ARL15: variants seen among roughly 807,000 people sequenced by gnomAD.
ARL15 encodes ARF like GTPase 15, also known as ADP-ribosylation factor-like protein 15.
A neutral mutation model predicts 25.2 loss-of-function variants in ARL15; 19 were observed. The ratio of observed to expected loss-of-function variants is 0.75; its 90% confidence interval spans 0.53 to 1.10. ARL15 has a LOEUF of 1.10. ARL15 is among the 50% of genes least tolerant of loss of function. The pLI, the probability that ARL15 is intolerant of heterozygous loss-of-function variation, is 0.00. For missense variants in ARL15, 220 were observed against 246.0 expected (o/e 0.89, Z 0.71); for synonymous variants, 94 against 86.8 (o/e 1.08, Z -0.46).
At chr5:54,092,985 T>TAA (rs1304469147) in intron 4 of ARL15, among the ~76,000 whole-genome samples, 1 of 152,220 alleles carries the variant, frequency 6.6e-6, no homozygotes, top group Non-Finnish European at 1.5e-5. Context: ...GGGTGTCTTT[T>TAA]AAAGAGCCTT....
At chr5:54,169,361 T>C (rs1052392731) in intron 2 of ARL15, among the ~76,000 whole-genome samples, 1 of 152,150 alleles carries the variant, frequency 6.6e-6, no homozygotes, top group African/African-American at 2.4e-5. Flanking sequence ...ATATTCACAG[T>C]TTTATAAACA....
chr5:54,149,153 C>G (rs1753994579), intron 3 of ARL15, among the ~76,000 whole-genome samples: 1 of 152,060 alleles, frequency 6.6e-6, no homozygotes, highest in Admixed American at 6.5e-5. Context: ...GTACATAAGG[C>G]AAATGCAAAA....
rs551312110 is a variant in ARL15, at chr5:53,899,936, C to T, written c.463-13223G>A. Among the ~76,000 whole-genome samples, 8 of 152,246 alleles carry T rather than the reference C, an allele frequency of 5.3e-5. No individual in the cohort carries two copies. In the South Asian group the frequency reaches 8.3e-4, roughly 16 times the overall value. On this transcript the variant is annotated intron_variant, in intron 4 of 4. Transcript: ENST00000504924. The stretch of plus-strand genomic sequence containing the variant: ...CATCTATTTATCCAATTCTACATTG[C>T]GGAGTTCACTTGTAGCAACCACTTC...
intron 4 of ARL15, among the ~76,000 whole-genome samples, chr5:54,057,358 C>T (rs1750911015): frequency 6.6e-6 from 1 of 152,112 alleles, no homozygotes; most frequent in Non-Finnish European, 1.5e-5. Flanking sequence ...TGATTTTCCT[C>T]CAAAAATGAA....
intron 4 of ARL15, among the ~76,000 whole-genome samples, chr5:53,948,187 T>C (rs902563783): frequency 2.6e-5 from 4 of 152,172 alleles, no homozygotes; most frequent in African/African-American, 9.7e-5. Context: ...ATATACAAAT[T>C]AAGGCAATTT....
chr5:53,954,937 A>G (rs976676956), intron 4 of ARL15, among the ~76,000 whole-genome samples: 6 of 151,846 alleles, frequency 4.0e-5, no homozygotes, highest in African/African-American at 1.5e-4. Context: ...CTCCAACATC[A>G]CTTTCTGGAA....
intron 4 of ARL15, among the ~76,000 whole-genome samples, chr5:54,088,592 A>G (rs1369863604): frequency 1.3e-5 from 2 of 152,188 alleles, no homozygotes; most frequent in Non-Finnish European, 2.9e-5. Flanking sequence ...GTGAAAAGTA[A>G]TGAGGATTTT....
intron 3 of ARL15, among the ~76,000 whole-genome samples, chr5:54,124,520 T>C (rs774381786): frequency 2.0e-5 from 3 of 152,164 alleles, no homozygotes; most frequent in Non-Finnish European, 4.4e-5. Context: ...TTCTTCAAGA[T>C]TTTGTCTCTT....
rs114210556 is a variant in ARL15, at chr5:54,261,632, A to T, written c.48+48800T>A. Reference sequence around the variant, plus strand: ...ATGATGTAGCATATGTACTGAAAATATCCCCAGAGAATATCTAGTCAAGTC... The same window carrying T: ...ATGATGTAGCATATGTACTGAAAATTTCCCCAGAGAATATCTAGTCAAGTC... On this transcript the variant is annotated intron_variant, in intron 1 of 4. Transcript: ENST00000504924. Among the ~76,000 whole-genome samples the T allele has an allele frequency of 5.3e-3, 810 of 152,308 alleles. 5 individuals carry two copies. The highest frequency in any genetic ancestry group is 9.3e-3 in the Non-Finnish European group (631 of 68,032).
intron 4 of ARL15, among the ~76,000 whole-genome samples, chr5:54,071,468 T>C (rs943620493): frequency 4.2e-5 from 4 of 94,370 alleles, no homozygotes; most frequent in African/African-American, 9.3e-5. Flanking sequence ...CTAAATCAGA[T>C]TTTTTTTTCA....
At position 54,005,075 on chromosome 5, in the gene ARL15, C is replaced by G. The variant is rs1748980745; in HGVS notation, c.462+108127G>C. On this transcript the variant is annotated intron_variant, in intron 4 of 4. Coordinates refer to ENST00000504924, the MANE Select transcript of ARL15 (RefSeq NM_019087.3). The stretch of plus-strand genomic sequence containing the variant: ...CTATGTTGTCCAGGCTGCTCTCGCA[C>G]TCCTGAGCTGAAGTGATCCTCCCGT... Among the ~76,000 whole-genome samples the G allele has an allele frequency of 2.0e-5, 3 of 152,114 alleles. No individual in the cohort carries two copies. In the South Asian group the frequency reaches 6.2e-4, roughly 32 times the overall value.
intron 1 of ARL15, among the ~76,000 whole-genome samples, chr5:54,298,389 A>G (rs1487053946): frequency 1.3e-5 from 2 of 152,190 alleles, no homozygotes; most frequent in Non-Finnish European, 2.9e-5. Flanking sequence ...GTCTCTGGTC[A>G]TCCTCGGCCC....
chr5:54,254,978 G>A (rs984675680), intron 1 of ARL15, among the ~76,000 whole-genome samples: 14 of 152,180 alleles, frequency 9.2e-5, no homozygotes, highest in Admixed American at 2.6e-4. Context: ...CTCCAGTCCC[G>A]TTGTGATCTG....
chr5:54,115,449 G>A (rs1752870515), intron 3 of ARL15, among the ~76,000 whole-genome samples: 1 of 152,110 alleles, frequency 6.6e-6, no homozygotes, highest in Admixed American at 6.5e-5. Context: ...GCTTGGGGCG[G>A]TGGGGGTAAA....
At chr5:53,934,429 T>C (rs1285550957) in intron 4 of ARL15, among the ~76,000 whole-genome samples, 4 of 54,858 alleles carry the variant, frequency 7.3e-5, no homozygotes, top group African/African-American at 2.5e-4. Context: ...AGCATATAAA[T>C]TGAGAAAAAA....
At chr5:54,290,372 G>A (rs1039148308) in intron 1 of ARL15, among the ~76,000 whole-genome samples, 4 of 149,546 alleles carry the variant, frequency 2.7e-5, no homozygotes, top group African/African-American at 4.9e-5. Context: ...GCACGATCTC[G>A]GCTCGCTGCA....
At chr5:53,981,016 G>A (rs1281879980) in intron 4 of ARL15, among the ~76,000 whole-genome samples, 3 of 152,060 alleles carry the variant, frequency 2.0e-5, no homozygotes, top group Non-Finnish European at 4.4e-5. Context: ...AAACTGCCCT[G>A]CCCCCTTTGC....
At chr5:54,125,436 C>T (rs34952881) in intron 3 of ARL15, among the ~76,000 whole-genome samples, 1,545 of 152,186 alleles carry the variant, frequency 0.01, 20 homozygotes, top group Middle Eastern at 0.041. Flanking sequence ...TGCTAGGAAC[C>T]GAGACCCTCA....
chr5:54,063,132 C>A (rs939134042), intron 4 of ARL15, among the ~76,000 whole-genome samples: 1 of 152,146 alleles, frequency 6.6e-6, no homozygotes, highest in Non-Finnish European at 1.5e-5. Context: ...GGGAAAAACC[C>A]CTAAACAATG....
Sources: allele counts gnomAD v4.1 joint callset (sites outside exome capture counted in the v4.1 genomes callset), GRCh38; gene constraint gnomAD v4.1.1; transcripts MANE v1.5; gene names NCBI Gene and HGNC (gene_info 2026-07-23, HGNC 2026-07-21).